RTN4RL2: variants seen among roughly 807,000 people sequenced by gnomAD.
RTN4RL2 encodes the protein reticulon-4 receptor-like 2.
A neutral mutation model predicts 27.8 loss-of-function variants in RTN4RL2; 9 were observed. That is an observed-to-expected ratio of 0.32 (90% CI 0.20 to 0.57). The LOEUF is 0.57. RTN4RL2 is among the 20% of genes least tolerant of loss of function. RTN4RL2 has a pLI of 0.90. For synonymous variants in RTN4RL2, 285 were observed against 297.9 expected (o/e 0.96, Z 0.45); for missense variants, 436 against 596.8 (o/e 0.73, Z 2.81).
intron 2 of RTN4RL2, among the ~76,000 whole-genome samples, chr11:57,475,900 G>A (rs12282980): frequency 0.019 from 2,947 of 151,984 alleles, 92 homozygotes; most frequent in African/African-American, 0.068. Context: ...TCTGCCCCCC[G>A]CCCCACCCCG....
chr11:57,474,132 G>C (rs1274610485), intron 2 of RTN4RL2, among the ~76,000 whole-genome samples: 1 of 152,106 alleles, frequency 6.6e-6, no homozygotes, highest in East Asian at 1.9e-4. Context: ...ACCAGGCCAT[G>C]GTGAGTCAGG....
intron 2 of RTN4RL2, chr11:57,468,499 T>C: frequency 7.1e-7 from 1 of 1,406,826 alleles, no homozygotes; most frequent in Non-Finnish European, 9.7e-7. Flanking sequence ...TGTCTGCGTG[T>C]GTGTATCTGT....
intron 1 of RTN4RL2, among the ~76,000 whole-genome samples, chr11:57,461,230 C>G (rs909808820): frequency 6.6e-6 from 1 of 152,136 alleles, no homozygotes; most frequent in African/African-American, 2.4e-5. Flanking sequence ...GCTGGGGAAG[C>G]GCCGACTCAG....
chr11:57,464,162 G>C (rs533766613), intron 1 of RTN4RL2, among the ~76,000 whole-genome samples: 2 of 152,198 alleles, frequency 1.3e-5, no homozygotes, highest in Admixed American at 1.3e-4. Context: ...GGGAGACATG[G>C]GAACAAGATG....
At chr11:57,470,463 T>C (rs1451797513) in intron 2 of RTN4RL2, among the ~76,000 whole-genome samples, 1 of 152,112 alleles carries the variant, frequency 6.6e-6, no homozygotes, top group African/African-American at 2.4e-5. Flanking sequence ...GCCAGGCTGG[T>C]CTTGAACTCC....
intron 2 of RTN4RL2, 121 bp downstream of exon 2, chr11:57,468,211 C>G (rs934936569): frequency 1.2e-5 from 12 of 1,036,274 alleles, no homozygotes; most frequent in Non-Finnish European, 1.7e-5. Flanking sequence ...CCTGCCTCAG[C>G]ATCTCCATTT....
intron 2 of RTN4RL2, among the ~76,000 whole-genome samples, chr11:57,473,670 A>T (rs1170960622): frequency 6.6e-6 from 1 of 151,806 alleles, no homozygotes; most frequent in Non-Finnish European, 1.5e-5. Flanking sequence ...CAGTGGAGAG[A>T]GGAAGGACCG....
intron 2 of RTN4RL2, among the ~76,000 whole-genome samples, chr11:57,471,941 C>T (rs1943564514): frequency 6.6e-6 from 1 of 152,296 alleles, no homozygotes; most frequent in South Asian, 2.1e-4. Flanking sequence ...TCACTGCAAC[C>T]TCTGCCTCCC....
chr11:57,472,366 CCATGT>C (rs1275065134), intron 2 of RTN4RL2, among the ~76,000 whole-genome samples: 1 of 151,800 alleles, frequency 6.6e-6, no homozygotes, highest in Non-Finnish European at 1.5e-5. Context: ...ACATGTGCCA[CCATGT>C]CCAGCTAATT....
intron 2 of RTN4RL2, among the ~76,000 whole-genome samples, chr11:57,472,783 C>T (rs1001257983): frequency 6.6e-6 from 1 of 152,106 alleles, no homozygotes; most frequent in African/African-American, 2.4e-5. Context: ...GGGAGGACAC[C>T]AACTGAAGCT....
At chr11:57,470,600 GCACAAGGA>G (rs1319523073) in intron 2 of RTN4RL2, among the ~76,000 whole-genome samples, 1 of 140,642 alleles carries the variant, frequency 7.1e-6, no homozygotes, top group African/African-American at 3.3e-5. Context: ...AAGGCATTTA[GCACAAGGA>G]TTAAAATGTA....
chr11:57,467,916 C>T lies in RTN4RL2; in HGVS notation c.339C>T (p.Leu113=), dbSNP rs766912491. 16 of 1,613,960 alleles carry T rather than the reference C, an allele frequency of 9.9e-6. No homozygotes were observed. The highest frequency in any genetic ancestry group is 8.8e-5 in the South Asian group (8 of 91,088). The change falls in exon 2 of 3, where the codon CTC becomes CTT. Residue 113 remains leucine (L), a synonymous_variant. Transcript: ENST00000335099. This position sits in a 1 kb window ranked among gnomAD's most constrained non-coding sequence, Gnocchi z 5.5. Reference sequence around the variant, plus strand: ...TGCAAGCCCTGGAGGAGCTGGACCTCGGTGACAACCGGCACCTGCGCTCGC... The same window carrying T: ...TGCAAGCCCTGGAGGAGCTGGACCTTGGTGACAACCGGCACCTGCGCTCGC... The part of the protein sequence containing the change: ...RHLQALEELD[L]GDNRHLRSLE...
Position 57,476,711 on chromosome 11 carries a change from G to A in RTN4RL2, c.1063G>A (p.Asp355Asn). 1 of 1,439,558 alleles carries A rather than the reference G, an allele frequency of 6.9e-7. No individual in the cohort carries two copies. The highest frequency in any genetic ancestry group is 9.0e-7 in the Non-Finnish European group (1 of 1,105,016). 89.2% of individuals were successfully genotyped at this position (1,439,558 alleles called of 1,614,324 possible). The change falls in exon 3 of 3, where the codon GAC (aspartate) becomes AAC (asparagine). Residue 355 changes from aspartate (D) to asparagine (N), a missense_variant. Physicochemically the swap from Asp to Asn is conservative, Grantham distance 23. Transcript: ENST00000335099. The surrounding 1 kb of genome is among the most constrained non-coding windows in gnomAD (Gnocchi z 8.2). ...STLYRDLPAE[D>N]SRGRQGGDAP... Reference sequence around the variant, plus strand: ...CCTCTACCGAGATCTGCCTGCCGAAGACTCGCGGGGGCGCCAGGGCGGGGA... The same window carrying A: ...CCTCTACCGAGATCTGCCTGCCGAAAACTCGCGGGGGCGCCAGGGCGGGGA...
At position 57,476,716 on chromosome 11, in the gene RTN4RL2, G is replaced by C. The variant is rs534615607; in HGVS notation, c.1068G>C (p.Ser356=). The C allele has an allele frequency of 1.0e-4, 145 of 1,431,416 alleles. 1 individual carries two copies. The South Asian group carries it at 2.1e-3, about 21-fold the overall frequency. The allele number at this position is 1,431,416 out of a possible 1,614,324, so 88.7% of individuals were successfully genotyped here. A position where few individuals can be genotyped will look rare whatever the true frequency, so the allele number is the denominator to read the frequency against. ...ACCGAGATCTGCCTGCCGAAGACTC[G>C]CGGGGGCGCCAGGGCGGGGACGCGC... ...TLYRDLPAED[S]RGRQGGDAPT... Residue 356 remains serine, a synonymous_variant, in exon 3 of 3, where the codon TCG becomes TCC. Transcript: ENST00000335099. The surrounding 1 kb of genome is among the most constrained non-coding windows in gnomAD (Gnocchi z 8.2).
chr11:57,465,005 G>A (rs895500297), intron 1 of RTN4RL2, among the ~76,000 whole-genome samples: 1 of 152,150 alleles, frequency 6.6e-6, no homozygotes, highest in Non-Finnish European at 1.5e-5. Flanking sequence ...GGGGCCCGGC[G>A]CTCACACACA....
intron 1 of RTN4RL2, among the ~76,000 whole-genome samples, chr11:57,465,623 C>A (rs1413250720): frequency 6.6e-6 from 1 of 152,136 alleles, no homozygotes; most frequent in Non-Finnish European, 1.5e-5. Flanking sequence ...CCAGGAGTCA[C>A]CTGGAAATCA....
rs967542806 is a variant in RTN4RL2, at chr11:57,466,058, T to C, written c.32-1551T>C. On this transcript the variant is annotated intron_variant, in intron 1 of 2. Coordinates refer to ENST00000335099, the MANE Select transcript of RTN4RL2 (RefSeq NM_178570.3). ...CTGTGTCACCCAGGCTGGAGTGCAG[T>C]GGTGCGATCTCGGCTCACTGCAAGC... is the stretch of plus-strand genomic sequence containing the variant. 1.5e-4 allele frequency among the ~76,000 whole-genome samples: 21 copies of C among 141,030 alleles called. No individual in the cohort carries two copies. In the East Asian group the frequency reaches 4.2e-3, roughly 28 times the overall value. The allele number at this position is 141,030 out of a possible 152,430, so 92.5% of individuals were successfully genotyped here.
At chr11:57,468,938 A>G in intron 2 of RTN4RL2, 2 of 741,106 alleles carry the variant, frequency 2.7e-6, no homozygotes, top group South Asian at 2.9e-5. Flanking sequence ...CCATTTCCCC[A>G]GGAAGCAATA....
At position 57,467,872 on chromosome 11, in the gene RTN4RL2, C is replaced by G; in HGVS notation, c.295C>G (p.Pro99Ala). ...LFSNNLSTIY[P>A]GTFRHLQALE... The stretch of plus-strand genomic sequence containing the variant: ...CTCCAACAACCTCTCCACCATCTAC[C>G]CGGGCACTTTCCGCCACTTGCAAGC... Residue 99 changes from proline to alanine, a missense_variant, in exon 2 of 3, where the codon CCG (proline) becomes GCG (alanine). Physicochemically the swap from Pro to Ala is conservative, Grantham distance 27. Coordinates refer to ENST00000335099, the MANE Select transcript of RTN4RL2 (RefSeq NM_178570.3). The surrounding 1 kb of genome is among the most constrained non-coding windows in gnomAD (Gnocchi z 5.5). 3.1e-6 allele frequency: 5 copies of G among 1,614,172 alleles called. No homozygotes were observed. The highest frequency in any genetic ancestry group is 4.2e-6 in the Non-Finnish European group (5 of 1,179,998).
Sources: gnomAD v4.1 joint callset for allele counts (sites outside exome capture counted in the v4.1 genomes callset) on GRCh38, gnomAD v4.1.1 for gene constraint, Gnocchi (gnomAD v3.1) non-coding constraint, MANE v1.5 for transcripts, NCBI Gene and HGNC (gene_info 2026-07-23, HGNC 2026-07-21) for gene names.